LSP1: variants seen among roughly 807,000 people sequenced by gnomAD.
LSP1 encodes the protein lymphocyte specific protein 1.
Under a neutral mutation model 49.3 loss-of-function variants are expected in LSP1, and 32 were observed. The observed-to-expected ratio is 0.65, with a 90% CI of 0.49 to 0.87. The LOEUF is 0.87. LSP1 is among the 40% of genes least tolerant of loss of function. The pLI, the probability that LSP1 is intolerant of heterozygous loss-of-function variation, is 0.00. For missense variants in LSP1, 428 were observed against 442.6 expected (o/e 0.97, Z 0.30); for synonymous variants, 179 against 178.8 (o/e 1.00, Z -0.01).
chr11:1,883,305 G>A, intron 3 of LSP1, 114 bp from the exon 4 acceptor site: 3 of 1,354,180 alleles, frequency 2.2e-6, no homozygotes, highest in Non-Finnish European at 1.0e-6. Flanking sequence ...TGGCACTCAA[G>A]TAGCCTGACT....
chr11:1,857,296 C>A (rs571856686), intron 1 of LSP1, among the ~76,000 whole-genome samples: 1 of 152,350 alleles, frequency 6.6e-6, no homozygotes, highest in East Asian at 1.9e-4. Context: ...CACACAAGGG[C>A]AGTGCCAGGA....
chr11:1,889,765 AG>A lies in LSP1; in HGVS notation c.*14-2006del, dbSNP rs565895612. 2.6e-5 allele frequency: 17 copies of A among 650,012 alleles called. 1 individual carries two copies. The highest frequency in any genetic ancestry group is 2.6e-4 in the South Asian group (15 of 57,688). 40.3% of individuals were successfully genotyped at this position (650,012 alleles called of 1,614,324 possible). On this transcript the variant is annotated intron_variant, in intron 10 of 10. Transcript: ENST00000311604. ...TGCGGTGAGGACTCCAGCGAGCGGCAGGTCGGGGCTATGGGCACCACAACCC... is the reference window on the plus strand; with the variant it reads ...TGCGGTGAGGACTCCAGCGAGCGGCAGTCGGGGCTATGGGCACCACAACCC...
At chr11:1,867,618 C>T (rs865895553) in intron 1 of LSP1, among the ~76,000 whole-genome samples, 5 of 152,304 alleles carry the variant, frequency 3.3e-5, no homozygotes, top group Admixed American at 6.5e-5. Flanking sequence ...CATCACCCCA[C>T]CCCTTTCCCG....
chr11:1,860,063 C>A (rs1202633043), intron 1 of LSP1, among the ~76,000 whole-genome samples: 2 of 152,202 alleles, frequency 1.3e-5, no homozygotes, highest in Non-Finnish European at 2.9e-5. Flanking sequence ...CCTGCTTAGG[C>A]TCTATTGAGG....
chr11:1,884,116 G>A lies in LSP1; in HGVS notation c.591+92G>A. On this transcript the variant is annotated intron_variant, in intron 5 of 10. Coordinates refer to ENST00000311604, the MANE Select transcript of LSP1 (RefSeq NM_002339.3). This position sits in a 1 kb window ranked among gnomAD's most constrained non-coding sequence, Gnocchi z 4.1. ...CACATGCCAGCCACAGGAAGACCAGGCCCAGGCCTGGCTTTTGTCTGCTAT... is the reference window on the plus strand; with the variant it reads ...CACATGCCAGCCACAGGAAGACCAGACCCAGGCCTGGCTTTTGTCTGCTAT... The A allele has an allele frequency of 2.7e-6, 4 of 1,470,170 alleles. No individual in the cohort carries two copies. The highest frequency in any genetic ancestry group is 3.8e-6 in the Non-Finnish European group (4 of 1,059,250). The allele number at this position is 1,470,170 out of a possible 1,614,324, so 91.1% of individuals were successfully genotyped here. A position where few individuals can be genotyped will look rare whatever the true frequency, so the allele number is the denominator to read the frequency against.
At chr11:1,853,306 C>A in intron 1 of LSP1, 109 bp downstream of exon 1, 2 of 1,223,290 alleles carry the variant, frequency 1.6e-6, no homozygotes, top group Non-Finnish European at 1.1e-6. Flanking sequence ...AATCTGGGGC[C>A]CCCAATGGGA....
intron 1 of LSP1, among the ~76,000 whole-genome samples, chr11:1,872,845 T>C (rs936176711): frequency 6.6e-6 from 1 of 152,054 alleles, no homozygotes; most frequent in Non-Finnish European, 1.5e-5. Context: ...ATCACCACTC[T>C]GGGGCGAAGT....
chr11:1,869,319 A>T (rs779541626), intron 1 of LSP1: 9 of 305,764 alleles, frequency 2.9e-5, no homozygotes, highest in Non-Finnish European at 5.9e-5. Context: ...TGACGAGAAC[A>T]AACCCTACCT....
In LSP1 at chr11:1,884,608, A is replaced by G. The variant is rs1848682438; in HGVS notation, c.717+27A>G. The G allele has an allele frequency of 1.9e-6, 3 of 1,594,302 alleles. No individual in the cohort carries two copies. The African/African-American group carries it at 4.0e-5, about 21-fold the overall frequency. ...TATGACCTGGCTCCCCTCTGCTGTC[A>G]GGTCCCTCCTGCATCCTGGCACCAT... is the stretch of plus-strand genomic sequence containing the variant. On this transcript the variant is annotated intron_variant, in intron 7 of 10. Transcript: ENST00000311604. This position sits in a 1 kb window ranked among gnomAD's most constrained non-coding sequence, Gnocchi z 4.1.
intron 4 of LSP1, 36 bp downstream of exon 4, chr11:1,883,596 C>T: frequency 2.5e-6 from 4 of 1,574,056 alleles, no homozygotes; most frequent in East Asian, 2.3e-5. Context: ...GGGTGTACCC[C>T]CACCCCAGGG....
intron 2 of LSP1, 65 bp from the exon 3 acceptor site, chr11:1,881,367 A>C: frequency 6.9e-7 from 1 of 1,447,318 alleles, no homozygotes; most frequent in South Asian, 1.3e-5. Flanking sequence ...CCGTGAGGTG[A>C]GTGTGGGCCC....
rs952815816 is a variant in LSP1 at position 1,884,004 on chromosome 11, C to A, written c.571C>A (p.Pro191Thr). ...GGGGACCATCGAACAGAGCTCGCCT[C>A]CCCTGAGCCCTACCACCAAAGTAAG... Reference protein sequence around the residue: ...LEGTIEQSSPPLSPTTKLIDR... With the variant: ...LEGTIEQSSPTLSPTTKLIDR... The change falls in exon 5 of 11, where the codon CCC becomes ACC. Residue 191 changes from proline to threonine, a missense_variant. Pro to Thr is a conservative substitution (Grantham distance 38). Transcript: ENST00000311604. The surrounding 1 kb of genome is among the most constrained non-coding windows in gnomAD (Gnocchi z 4.1). The A allele has an allele frequency of 8.1e-6, 13 of 1,612,388 alleles. No individual in the cohort carries two copies. Among genetic ancestry groups the A allele is most frequent in the Non-Finnish European group, 1.0e-5 (12 of 1,179,440 alleles).
intron 1 of LSP1, chr11:1,870,038 G>A (rs1225452449): frequency 7.3e-6 from 3 of 410,180 alleles, no homozygotes; most frequent in Non-Finnish European, 1.0e-5. Flanking sequence ...CTCCGTTTGT[G>A]CATCTGTAAT....
At position 1,884,168 on chromosome 11, in the gene LSP1, C is replaced by T; in HGVS notation, c.592-112C>T. The T allele has an allele frequency of 6.9e-7, 1 of 1,458,880 alleles. No individual in the cohort carries two copies. Among genetic ancestry groups the T allele is most frequent in the Non-Finnish European group, 9.6e-7 (1 of 1,040,996 alleles). The allele number at this position is 1,458,880 out of a possible 1,614,324, so 90.4% of individuals were successfully genotyped here. ...CCCCCATTGCCCGGTGCTCAGCGAACCCCCATGATATAAGGGTTGGGGGTT... is the reference window on the plus strand; with the variant it reads ...CCCCCATTGCCCGGTGCTCAGCGAATCCCCATGATATAAGGGTTGGGGGTT... On this transcript the variant is annotated intron_variant, in intron 5 of 10. Transcript: ENST00000311604. The surrounding 1 kb of genome is among the most constrained non-coding windows in gnomAD (Gnocchi z 4.1).
intron 1 of LSP1, among the ~76,000 whole-genome samples, chr11:1,863,086 G>T (rs1231329740): frequency 6.6e-6 from 1 of 152,170 alleles, no homozygotes; most frequent in African/African-American, 2.4e-5. Context: ...TGTATGTAGG[G>T]AGTGGGGACG....
At chr11:1,874,050 T>C (rs764540992) in intron 1 of LSP1, among the ~76,000 whole-genome samples, 15,502 of 33,796 alleles carry the variant, frequency 0.46, 3,354 homozygotes, top group East Asian at 0.79. Flanking sequence ...GGAGGGAGGC[T>C]GGCAGAGCAG....
intron 7 of LSP1, among the ~76,000 whole-genome samples, chr11:1,886,403 A>G (rs1848750333): frequency 6.6e-6 from 1 of 152,170 alleles, no homozygotes; most frequent in Admixed American, 6.5e-5. Context: ...CAATACTCTG[A>G]AATTTAACCA....
At chr11:1,890,454 T>G in intron 10 of LSP1, 1 of 717,264 alleles carries the variant, frequency 1.4e-6, no homozygotes, top group Non-Finnish European at 2.6e-6. Flanking sequence ...CCGGGCTGCC[T>G]TCCTCAGGAG....
At chr11:1,869,599 C>A (rs74347575) in intron 1 of LSP1, 21,682 of 469,514 alleles carry the variant, frequency 0.046, 833 homozygotes, top group South Asian at 0.11. Flanking sequence ...ACGTGGGCCG[C>A]ACCTAGCAGG....
Sources: allele counts gnomAD v4.1 joint callset (sites outside exome capture counted in the v4.1 genomes callset), GRCh38; gene constraint gnomAD v4.1.1; non-coding constraint Gnocchi (gnomAD v3.1); transcripts MANE v1.5; gene names NCBI Gene and HGNC (gene_info 2026-07-23, HGNC 2026-07-21).